GNL2: variants seen among roughly 807,000 people sequenced by gnomAD.
GNL2 encodes the protein nucleolar GTP-binding protein 2.
A neutral mutation model predicts 92.3 loss-of-function variants in GNL2; 51 were observed. The observed-to-expected ratio is 0.55, with a 90% CI of 0.44 to 0.70. GNL2 has a LOEUF of 0.70. Ranked by LOEUF, GNL2 falls within the 30% of genes least tolerant of loss-of-function variation. GNL2 has a pLI of 0.00. For synonymous variants in GNL2, 283 were observed against 300.6 expected (o/e 0.94, Z 0.61); for missense variants, 844 against 895.6 (o/e 0.94, Z 0.74).
Position 37,593,749 on chromosome 1 carries a change from AC to A in GNL2, c.149+12del, listed in dbSNP as rs767432629. On this transcript the variant is annotated intron_variant, in intron 2 of 15. Coordinates refer to ENST00000373062, the MANE Select transcript of GNL2 (RefSeq NM_013285.3). ...GAAGGAAAAGAGAAAGGATGACAGC[AC>A]CCAGTGCTCACCTGCGCTCCTTTTG... The A allele has an allele frequency of 2.5e-6, 4 of 1,591,810 alleles. No homozygotes were observed. In the East Asian group the frequency reaches 8.9e-5, roughly 36 times the overall value.
At position 37,567,002 on chromosome 1, in the gene GNL2, C is replaced by A; in HGVS notation, c.2049G>T (p.Arg683Ser). ...APRALTSKER[R>S]RAVRQQRPKK... ...TCGGCCGTTGCTGTCGTACTGCTCG[C>A]CTCCGCTGTAAAAAATGGCAAGAAA... The change falls in exon 16 of 16, where the codon AGG (arginine) becomes AGT (serine). Residue 683 changes from arginine (R) to serine (S), a missense_variant. Coordinates refer to ENST00000373062, the MANE Select transcript of GNL2 (RefSeq NM_013285.3). 6.2e-7 allele frequency: 1 copy of A among 1,605,260 alleles called. No homozygotes were observed. The highest frequency in any genetic ancestry group is 8.5e-7 in the Non-Finnish European group (1 of 1,177,694).
At chr1:37,582,733 A>T in intron 7 of GNL2, 45 bp downstream of exon 7, 1 of 1,490,214 alleles carries the variant, frequency 6.7e-7, no homozygotes, top group Non-Finnish European at 9.2e-7. Flanking sequence ...CTGACTTACT[A>T]ACAGATGTCT....
At chr1:37,580,791 A>G (rs1030528543) in intron 8 of GNL2, among the ~76,000 whole-genome samples, 1 of 152,250 alleles carries the variant, frequency 6.6e-6, no homozygotes, top group Non-Finnish European at 1.5e-5. Flanking sequence ...AATAGAACAC[A>G]GCAAAGTAAC....
chr1:37,595,898 G>T lies in GNL2; in HGVS notation c.-76C>A. On this transcript the variant is annotated 5_prime_UTR_variant, in exon 1 of 16. Coordinates refer to ENST00000373062, the MANE Select transcript of GNL2 (RefSeq NM_013285.3). ...ACAAACTTTTATGTTCCCAAGCCCG[G>T]CCGAAGACACCCGCCTGAACCACGC... 1 of 1,287,182 alleles carries T rather than the reference G, an allele frequency of 7.8e-7. No homozygotes were observed. Among genetic ancestry groups the T allele is most frequent in the Non-Finnish European group, 1.1e-6 (1 of 886,642 alleles). The allele number at this position is 1,287,182 out of a possible 1,614,324, so 79.7% of individuals were successfully genotyped here.
chr1:37,574,070 T>G (rs1643637215), intron 12 of GNL2, among the ~76,000 whole-genome samples: 1 of 152,070 alleles, frequency 6.6e-6, no homozygotes, highest in Non-Finnish European at 1.5e-5. Context: ...TTTTTGTATT[T>G]TTAGTAGAGA....
At chr1:37,574,322 G>A (rs1358384323) in intron 12 of GNL2, 21 bp downstream of exon 12, 2 of 1,529,832 alleles carry the variant, frequency 1.3e-6, no homozygotes, top group South Asian at 1.1e-5. Flanking sequence ...CTCCCCAGAG[G>A]TGGGCCCACC....
intron 15 of GNL2, among the ~76,000 whole-genome samples, chr1:37,567,455 C>T (rs936283750): frequency 1.2e-4 from 18 of 151,946 alleles, no homozygotes; most frequent in African/African-American, 3.9e-4. Context: ...ATAGTCCACT[C>T]GTGTGGAGAC....
chr1:37,573,322 C>T (rs115290668), intron 12 of GNL2, among the ~76,000 whole-genome samples: 2,749 of 152,320 alleles, frequency 0.018, 90 homozygotes, highest in African/African-American at 0.063. Flanking sequence ...ATGGACCCAA[C>T]GACACTAGCA....
In GNL2 at chr1:37,595,907, A is replaced by T; in HGVS notation, c.-85T>A. The T allele has an allele frequency of 9.2e-7, 1 of 1,085,380 alleles. No homozygotes were observed. The highest frequency in any genetic ancestry group is 1.4e-6 in the Non-Finnish European group (1 of 708,632). The allele number at this position is 1,085,380 out of a possible 1,614,324, so 67.2% of individuals were successfully genotyped here. On this transcript the variant is annotated 5_prime_UTR_variant, in exon 1 of 16. Transcript: ENST00000373062. Reference sequence around the variant, plus strand: ...TATGTTCCCAAGCCCGGCCGAAGACACCCGCCTGAACCACGCCGGACCACG... The same window carrying T: ...TATGTTCCCAAGCCCGGCCGAAGACTCCCGCCTGAACCACGCCGGACCACG...
chr1:37,584,725 G>A (rs183329830), intron 5 of GNL2, among the ~76,000 whole-genome samples: 11 of 152,144 alleles, frequency 7.2e-5, no homozygotes, highest in Non-Finnish European at 1.5e-4. Flanking sequence ...TTCTGGAGAT[G>A]GATAGCTGCA....
chr1:37,578,449 A>C (rs1643712240), intron 8 of GNL2, among the ~76,000 whole-genome samples: 1 of 151,974 alleles, frequency 6.6e-6, no homozygotes, highest in African/African-American at 2.4e-5. Context: ...AAAAAAAAAA[A>C]AAAAATTAAA....
At chr1:37,578,798 G>A (rs908521783) in intron 8 of GNL2, among the ~76,000 whole-genome samples, 7 of 152,074 alleles carry the variant, frequency 4.6e-5, no homozygotes, top group South Asian at 4.1e-4. Context: ...GAGCTCAAGC[G>A]ATCTGCCTGC....
rs776635560 is a variant in GNL2 at position 37,569,165 on chromosome 1, A to G, written c.1554T>C (p.Ala518=). ...TGAGAATCTGCTGCATCTCTGTGTT[A>G]GCATCACAGTGACTGTTCTCTTCTG... is the stretch of plus-strand genomic sequence containing the variant. ...EETEENSHCD[A]NTEMQQILTR... Residue 518 remains alanine (A), a synonymous_variant, in exon 13 of 16, where the codon GCT becomes GCC. Coordinates refer to ENST00000373062, the MANE Select transcript of GNL2 (RefSeq NM_013285.3). 6.2e-7 allele frequency: 1 copy of G among 1,614,102 alleles called. No homozygotes were observed. The highest frequency in any genetic ancestry group is 1.1e-5 in the South Asian group (1 of 91,080).
At chr1:37,573,430 T>C (rs527667189) in intron 12 of GNL2, among the ~76,000 whole-genome samples, 1 of 152,358 alleles carries the variant, frequency 6.6e-6, no homozygotes, top group East Asian at 1.9e-4. Context: ...ACGTTGAGCC[T>C]TGTGGCGGCC....
Position 37,582,826 on chromosome 1 carries a change from G to A in GNL2, c.747C>T (p.His249=), listed in dbSNP as rs570226327. 2.5e-6 allele frequency: 4 copies of A among 1,613,770 alleles called. No homozygotes were observed. Among genetic ancestry groups the A allele is most frequent in the South Asian group, 1.1e-5 (1 of 91,080 alleles). Residue 249 remains histidine, a synonymous_variant, in exon 7 of 16, where the codon CAC becomes CAT. Coordinates refer to ENST00000373062, the MANE Select transcript of GNL2 (RefSeq NM_013285.3). ...CACATTTGTTAAGTACAAAAATGAG[G>A]TGTTTCCAAGGTTTTTCCTTCTTCA... ...TYLKKEKPWK[H]LIFVLNKCDL... is the part of the protein sequence containing the mutation.
intron 4 of GNL2, among the ~76,000 whole-genome samples, chr1:37,587,952 T>A (rs994787068): frequency 6.6e-6 from 1 of 152,244 alleles, no homozygotes; most frequent in Non-Finnish European, 1.5e-5. Context: ...GAGTTTTTTT[T>A]AAACCAACTG....
At chr1:37,591,501 ACT>A (rs983588416) in intron 3 of GNL2, among the ~76,000 whole-genome samples, 5 of 138,982 alleles carry the variant, frequency 3.6e-5, no homozygotes, top group East Asian at 4.1e-4. Context: ...ATATATATTT[ACT>A]CTTTTTTTTT....
rs1298999380 is a variant in GNL2 at position 37,569,243 on chromosome 1, C to T, written c.1476G>A (p.Glu492=). 4 of 1,613,536 alleles carry T rather than the reference C, an allele frequency of 2.5e-6. No homozygotes were observed. In the South Asian group the frequency reaches 4.4e-5, roughly 18 times the overall value. ...VPEAAQNNPG[E]EVTETAGEGS... is the part of the protein sequence containing the mutation. The stretch of plus-strand genomic sequence containing the variant: ...CTTCACCTGCAGTTTCTGTGACTTC[C>T]TCCCCTGGATTGTTCTGGGCTGCTT... The change falls in exon 13 of 16, where the codon GAG becomes GAA. Residue 492 remains glutamate (E), a synonymous_variant. Transcript: ENST00000373062.
At chr1:37,573,145 G>A (rs1643620356) in intron 12 of GNL2, among the ~76,000 whole-genome samples, 1 of 152,210 alleles carries the variant, frequency 6.6e-6, no homozygotes, top group Admixed American at 6.5e-5. Flanking sequence ...TGAAGAGGGA[G>A]AGAAATTTTT....
Sources: allele counts gnomAD v4.1 joint callset (sites outside exome capture counted in the v4.1 genomes callset), GRCh38; gene constraint gnomAD v4.1.1; transcripts MANE v1.5; gene names NCBI Gene and HGNC (gene_info 2026-07-23, HGNC 2026-07-21).